Variants in EIF2AK3 observed in about 807,000 individuals in gnomAD.
The protein encoded by EIF2AK3 is eukaryotic translation initiation factor 2 alpha kinase 3, also known as eukaryotic translation initiation factor 2-alpha kinase 3.
EIF2AK3 carries 50 observed loss-of-function variants against 113.5 expected under a neutral mutation model. The observed-to-expected ratio is 0.44, with a 90% CI of 0.35 to 0.56. The LOEUF is 0.56. Ranked by LOEUF, EIF2AK3 falls within the 20% of genes least tolerant of loss-of-function variation. The probability of loss-of-function intolerance (pLI) is 0.00; values close to 1 mark genes in which losing one functional copy is unlikely to be tolerated. For synonymous variants in EIF2AK3, 448 were observed against 495.4 expected, an observed-to-expected ratio of 0.90 and a Z score of 1.27; for missense variants, 1,185 against 1,378.0, an observed-to-expected ratio of 0.86 and a Z score of 2.22.
chr2:88,606,091 T>C (rs1216170729), intron 2 of EIF2AK3, among the ~76,000 whole-genome samples: 1 of 152,208 alleles, frequency 6.6e-6, no homozygotes, highest in African/African-American at 2.4e-5. Flanking sequence ...CAGAGAAATA[T>C]CAAGTTGATA....
At position 88,557,708 on chromosome 2, in the gene EIF2AK3, C is replaced by G; in HGVS notation, c.*28G>C. Reference sequence around the variant, plus strand: ...AGAAGTAGGCTATTATCTGCATCACCTATTAGGGTTGCTAGCACAACTTAA... The same window carrying G: ...AGAAGTAGGCTATTATCTGCATCACGTATTAGGGTTGCTAGCACAACTTAA... On this transcript the variant is annotated 3_prime_UTR_variant, in exon 17 of 17. Coordinates refer to ENST00000303236, the MANE Select transcript of EIF2AK3 (RefSeq NM_004836.7). 6.2e-7 allele frequency: 1 copy of G among 1,610,466 alleles called. No individual in the cohort carries two copies. The highest frequency in any genetic ancestry group is 8.5e-7 in the Non-Finnish European group (1 of 1,176,672).
intron 2 of EIF2AK3, among the ~76,000 whole-genome samples, chr2:88,597,353 T>C (rs939717518): frequency 2.6e-5 from 4 of 152,216 alleles, no homozygotes; most frequent in African/African-American, 7.2e-5. Flanking sequence ...TAATCTTCTA[T>C]GTATCTTCCA....
chr2:88,616,516 TC>T (rs1675572731), intron 1 of EIF2AK3, among the ~76,000 whole-genome samples: 1 of 152,184 alleles, frequency 6.6e-6, no homozygotes, highest in Admixed American at 6.5e-5. Flanking sequence ...AACCTCCGCC[TC>T]CTGGGTTTAA....
intron 6 of EIF2AK3, among the ~76,000 whole-genome samples, chr2:88,589,506 G>A (rs1429295624): frequency 6.6e-6 from 1 of 151,844 alleles, no homozygotes; most frequent in Non-Finnish European, 1.5e-5. Context: ...TTGTACAGAT[G>A]CACTGATAAA....
intron 9 of EIF2AK3, among the ~76,000 whole-genome samples, chr2:88,584,409 C>T (rs13424037): frequency 0.14 from 21,333 of 151,174 alleles, 2,495 homozygotes; most frequent in African/African-American, 0.33. Context: ...CCCAGCTACT[C>T]GGGAGGCTGA....
intron 11 of EIF2AK3, among the ~76,000 whole-genome samples, chr2:88,576,956 A>G (rs1558649116): frequency 6.6e-6 from 1 of 152,108 alleles, no homozygotes; most frequent in Admixed American, 6.5e-5. Flanking sequence ...TGAAACTAAA[A>G]TTAGAAACAG....
intron 10 of EIF2AK3, 164 bp from the exon 11 acceptor site, chr2:88,579,804 TTGTATAAATG>T: frequency 1.6e-6 from 1 of 627,416 alleles, no homozygotes; most frequent in Non-Finnish European, 2.7e-6. Flanking sequence ...TTAGTCCTGT[TTGTATAAATG>T]AAGCAAACAC....
At chr2:88,617,674 T>C (rs1285610417) in intron 1 of EIF2AK3, among the ~76,000 whole-genome samples, 3 of 151,804 alleles carry the variant, frequency 2.0e-5, no homozygotes. Flanking sequence ...GGGGAATCGC[T>C]TGAACCCAGG....
At position 88,583,413 on chromosome 2, in the gene EIF2AK3, T is replaced by C. The variant is rs767071009; in HGVS notation, c.1763+17A>G. The stretch of plus-strand genomic sequence containing the variant: ...TTCTTCTTTGATTCAGATGGTTGTA[T>C]TTTATAAGACTCTTACCGTGATATA... On this transcript the variant is annotated intron_variant, in intron 10 of 16. Transcript: ENST00000303236. 3 of 1,586,972 alleles carry C rather than the reference T, an allele frequency of 1.9e-6. No homozygotes were observed. The highest frequency in any genetic ancestry group is 2.2e-5 in the East Asian group (1 of 44,572).
chr2:88,620,021 A>G (rs1675682136), intron 1 of EIF2AK3, among the ~76,000 whole-genome samples: 1 of 151,384 alleles, frequency 6.6e-6, no homozygotes, highest in Admixed American at 6.6e-5. Flanking sequence ...GAAGATTCTC[A>G]TTTCTCATCA....
At chr2:88,563,359 C>G (rs1000590020) in intron 14 of EIF2AK3, among the ~76,000 whole-genome samples, 2 of 152,160 alleles carry the variant, frequency 1.3e-5, no homozygotes, top group Non-Finnish European at 2.9e-5. Context: ...GCTTCAGTGA[C>G]CACATCAGTG....
chr2:88,600,615 T>C (rs181556618), intron 2 of EIF2AK3, among the ~76,000 whole-genome samples: 1 of 152,208 alleles, frequency 6.6e-6, no homozygotes, highest in African/African-American at 2.4e-5. Flanking sequence ...TAAAGCAGTT[T>C]AGTAAAGTAA....
Position 88,590,529 on chromosome 2 carries a change from C to T in EIF2AK3, c.1079G>A (p.Ser360Asn), listed in dbSNP as rs765614263. The T allele has an allele frequency of 6.2e-7, 1 of 1,613,694 alleles. No homozygotes were observed. Among genetic ancestry groups the T allele is most frequent in the Non-Finnish European group, 8.5e-7 (1 of 1,179,870 alleles). Reference protein sequence around the residue: ...VIPISLFDDTSYTSNDDVLED... With the variant: ...VIPISLFDDTNYTSNDDVLED... ...TAAAACATCATCATTAGATGTATAA[C>T]TTGTATCATCAAAAAGACTGATGGG... The change falls in exon 6 of 17, where the codon AGT (serine) becomes AAT (asparagine). Residue 360 changes from serine (S) to asparagine (N), a missense_variant. By Grantham distance (46) the Ser-to-Asn change is conservative. Transcript: ENST00000303236.
At chr2:88,625,804 C>A (rs2103989733) in intron 1 of EIF2AK3, among the ~76,000 whole-genome samples, 1 of 152,284 alleles carries the variant, frequency 6.6e-6, no homozygotes, top group African/African-American at 2.4e-5. Context: ...TCCAGGAAAA[C>A]TGACTCATTA....
chr2:88,570,731 C>T, intron 14 of EIF2AK3, 143 bp downstream of exon 14: 1 of 1,029,628 alleles, frequency 9.7e-7, no homozygotes, highest in South Asian at 1.3e-5. Flanking sequence ...GTCACTATTC[C>T]ACTACTGGAA....
At chr2:88,593,473 A>G (rs570761801) in intron 3 of EIF2AK3, 68 bp from the exon 4 acceptor site, 2 of 1,575,206 alleles carry the variant, frequency 1.3e-6, no homozygotes, top group Non-Finnish European at 1.7e-6. Context: ...GAGATATTAA[A>G]GGAATCTGTA....
chr2:88,587,234 A>G lies in EIF2AK3; in HGVS notation c.1429+748T>C, dbSNP rs1229111499. Among the ~76,000 whole-genome samples the G allele has an allele frequency of 3.8e-4, 55 of 143,054 alleles. 1 individual carries two copies. Among genetic ancestry groups the G allele is most frequent in the African/African-American group, 1.3e-3 (52 of 39,698 alleles). The allele number at this position is 143,054 out of a possible 152,430, so 93.8% of individuals were successfully genotyped here. On this transcript the variant is annotated intron_variant, in intron 8 of 16. Coordinates refer to ENST00000303236, the MANE Select transcript of EIF2AK3 (RefSeq NM_004836.7). ...AAAAAAAAAAAAAAAAAAAAAAAAG[A>G]TAAAGGCTGCTGTTTCTAGTTCAGA...
intron 5 of EIF2AK3, 62 bp downstream of exon 5, chr2:88,590,756 A>G (rs910102983): frequency 1.9e-6 from 3 of 1,590,942 alleles, no homozygotes; most frequent in Non-Finnish European, 2.6e-6. Context: ...CACCCAATCA[A>G]TAAGTTTGGT....
At chr2:88,564,059 G>A (rs1173461263) in intron 14 of EIF2AK3, among the ~76,000 whole-genome samples, 1 of 152,130 alleles carries the variant, frequency 6.6e-6, no homozygotes, top group African/African-American at 2.4e-5. Flanking sequence ...ATGAACGCAT[G>A]AAAAGTTATA....
Sources: gnomAD v4.1 joint callset for allele counts (sites outside exome capture counted in the v4.1 genomes callset) on GRCh38, gnomAD v4.1.1 for gene constraint, MANE v1.5 for transcripts, NCBI Gene and HGNC (gene_info 2026-07-23, HGNC 2026-07-21) for gene names.